The following KIAA1958 variants were observed in gnomAD, a reference collection of about 807,000 sequenced individuals.
KIAA1958 encodes the protein KIAA1958, also known as uncharacterized protein KIAA1958.
A neutral mutation model predicts 47.2 loss-of-function variants in KIAA1958; 14 were observed. The ratio of observed to expected loss-of-function variants is 0.30; its 90% CI spans 0.20 to 0.46. The LOEUF (loss-of-function observed/expected upper bound fraction) is 0.46, where lower values mean the gene tolerates loss of function less well. Ranked by LOEUF, KIAA1958 falls within the 20% of genes least tolerant of loss-of-function variation. KIAA1958 has a pLI of 1.00. For missense variants in KIAA1958, 803 were observed against 909.2 expected (o/e 0.88, Z 1.50); for synonymous variants, 354 against 353.3 (o/e 1.00, Z -0.02).
chr9:112,503,663 A>T (rs887553906), intron 1 of KIAA1958, among the ~76,000 whole-genome samples: 13 of 142,322 alleles, frequency 9.1e-5, no homozygotes, highest in Non-Finnish European at 2.0e-4. Context: ...AGAGTGAAGG[A>T]GGGGAGAGCT....
chr9:112,547,377 CAAAAAAAAAAA>C (rs58406658), intron 1 of KIAA1958, among the ~76,000 whole-genome samples: 1 of 84,026 alleles, frequency 1.2e-5, no homozygotes, highest in East Asian at 3.3e-4. Flanking sequence ...GACTCTGTCT[CAAAAAAAAAAA>C]AAAAAAAAAA....
chr9:112,574,626 C>T lies in KIAA1958; in HGVS notation c.546C>T (p.Leu182=), dbSNP rs1427458649. ...GACCTGGGGTAGTCCCATCTTCCCTCCATTCAAGCTCCCAGACGCAGATGG... is the reference window on the plus strand; with the variant it reads ...GACCTGGGGTAGTCCCATCTTCCCTTCATTCAAGCTCCCAGACGCAGATGG... The part of the protein sequence containing the change: ...RKRPGVVPSS[L]HSSSQTQMVD... Residue 182 remains leucine, a synonymous_variant, in exon 2 of 4, where the codon CTC becomes CTT. Coordinates refer to ENST00000337530, the MANE Select transcript of KIAA1958 (RefSeq NM_133465.4). 1 of 1,614,196 alleles carries T rather than the reference C, an allele frequency of 6.2e-7. No individual in the cohort carries two copies. The highest frequency in any genetic ancestry group is 8.5e-7 in the Non-Finnish European group (1 of 1,180,032).
chr9:112,502,085 A>G (rs1327197229), intron 1 of KIAA1958, among the ~76,000 whole-genome samples: 6 of 152,170 alleles, frequency 3.9e-5, no homozygotes, highest in Non-Finnish European at 8.8e-5. Flanking sequence ...AATAATACCC[A>G]TTTCTGGTGA....
At chr9:112,575,667 G>A (rs11788540) in intron 2 of KIAA1958, among the ~76,000 whole-genome samples, 16 of 151,980 alleles carry the variant, frequency 1.1e-4, no homozygotes, top group Non-Finnish European at 1.3e-4. Context: ...AATGCTTTTC[G>A]TATTATTTAT....
chr9:112,618,418 G>A lies in KIAA1958; in HGVS notation c.1172-27232G>A. The A allele has an allele frequency of 1.3e-6, 2 of 1,551,208 alleles. No individual in the cohort carries two copies. The highest frequency in any genetic ancestry group is 1.7e-6 in the Non-Finnish European group (2 of 1,147,128). Reference sequence around the variant, plus strand: ...TAAAATGGGGTGATATCCGGCTCCGGGTAACAGAGACGGGTCTCGAGTACT... The same window carrying A: ...TAAAATGGGGTGATATCCGGCTCCGAGTAACAGAGACGGGTCTCGAGTACT... On this transcript the variant is annotated intron_variant, in intron 2 of 3. Transcript: ENST00000337530. This position sits in a 1 kb window ranked among gnomAD's most constrained non-coding sequence, Gnocchi z 7.1.
At chr9:112,592,994 A>G (rs1052690552) in intron 2 of KIAA1958, among the ~76,000 whole-genome samples, 6 of 152,262 alleles carry the variant, frequency 3.9e-5, no homozygotes, top group African/African-American at 1.2e-4. Context: ...TTTAGTACAC[A>G]TAGAAAAAGG....
rs1834638105 is a variant in KIAA1958, at chr9:112,525,975, C to CTTCTTCTTCTTCTT, written c.-25+38858_-25+38871dup. On this transcript the variant is annotated intron_variant, in intron 1 of 3. Coordinates refer to ENST00000337530, the MANE Select transcript of KIAA1958 (RefSeq NM_133465.4). Reference sequence around the variant, plus strand: ...TCTTCTTCTTCTTCTTCTTCTTCTTCTTCTTCTTCTTCTTCTTCTTCTTCT... The same window carrying CTTCTTCTTCTTCTT: ...TCTTCTTCTTCTTCTTCTTCTTCTTCTTCTTCTTCTTCTTTTCTTCTTCTTCTTCTTCTTCTTCT... 1.2e-3 allele frequency among the ~76,000 whole-genome samples: 3 copies of CTTCTTCTTCTTCTT among 2,408 alleles called. 1 individual carries two copies. The African/African-American group carries it at 0.016, about 13-fold the overall frequency. 1.6% of individuals were successfully genotyped at this position (2,408 alleles called of 152,430 possible).
chr9:112,488,891 T>C (rs1833915029), intron 1 of KIAA1958, among the ~76,000 whole-genome samples: 1 of 152,226 alleles, frequency 6.6e-6, no homozygotes, highest in Admixed American at 6.5e-5. Flanking sequence ...ATTAATATTA[T>C]TGCATGCCTA....
rs76094262 is a variant in KIAA1958 at position 112,546,781 on chromosome 9, C to G, written c.-24-27276C>G. Among the ~76,000 whole-genome samples, 117 of 152,220 alleles carry G rather than the reference C, an allele frequency of 7.7e-4. No individual in the cohort carries two copies. The East Asian group carries it at 0.022, about 28-fold the overall frequency. The stretch of plus-strand genomic sequence containing the variant: ...CTTACCTGGAATACTCTCACTCTCT[C>G]TGCCCTGTGTAATTTAATCATGGTT... On this transcript the variant is annotated intron_variant, in intron 1 of 3. Transcript: ENST00000337530.
In KIAA1958 at chr9:112,574,755, A is replaced by G. The variant is rs181535027; in HGVS notation, c.675A>G (p.Gly225=). 10 of 1,614,138 alleles carry G rather than the reference A, an allele frequency of 6.2e-6. No homozygotes were observed. In the East Asian group the frequency reaches 2.2e-4, roughly 36 times the overall value. ...ANAELTGGVD[G]PALSLTQMAK... ...CAGAACTGACAGGAGGAGTAGATGG[A>G]CCAGCCCTGTCCTTGACACAGATGG... Residue 225 remains glycine (G), a synonymous_variant, in exon 2 of 4, where the codon GGA becomes GGG. Coordinates refer to ENST00000337530, the MANE Select transcript of KIAA1958 (RefSeq NM_133465.4).
At chr9:112,561,410 T>C (rs1226273554) in intron 1 of KIAA1958, among the ~76,000 whole-genome samples, 2 of 152,172 alleles carry the variant, frequency 1.3e-5, no homozygotes, top group African/African-American at 2.4e-5. Context: ...TATCATTAGT[T>C]CTTTGTTTCT....
chr9:112,579,334 A>G (rs938599664), intron 2 of KIAA1958, among the ~76,000 whole-genome samples: 2 of 152,092 alleles, frequency 1.3e-5, no homozygotes, highest in Admixed American at 1.3e-4. Flanking sequence ...TTGGGATCAC[A>G]TAAATATTTC....
chr9:112,658,212 A>G (rs943508040), intron 3 of KIAA1958, among the ~76,000 whole-genome samples: 1 of 152,214 alleles, frequency 6.6e-6, no homozygotes, highest in Non-Finnish European at 1.5e-5. Flanking sequence ...TCATTAAACC[A>G]CAGCTATTTC....
chr9:112,649,006 A>C (rs1159126591), intron 3 of KIAA1958, among the ~76,000 whole-genome samples: 2 of 152,162 alleles, frequency 1.3e-5, no homozygotes, highest in Non-Finnish European at 2.9e-5. Flanking sequence ...GACATGGAAA[A>C]TATAAAAAGG....
intron 2 of KIAA1958, among the ~76,000 whole-genome samples, chr9:112,588,948 T>TAA (rs796644924): frequency 1.4e-5 from 2 of 142,254 alleles, no homozygotes; most frequent in African/African-American, 5.1e-5. Context: ...CTAATATGAC[T>TAA]AAAAAAAAAA....
At chr9:112,550,910 A>T (rs757345041) in intron 1 of KIAA1958, among the ~76,000 whole-genome samples, 10 of 152,186 alleles carry the variant, frequency 6.6e-5, no homozygotes, top group Non-Finnish European at 1.3e-4. Flanking sequence ...TACTCTTATG[A>T]GGAAGATATT....
At chr9:112,560,192 C>CTT (rs1564172284) in intron 1 of KIAA1958, among the ~76,000 whole-genome samples, 6 of 121,510 alleles carry the variant, frequency 4.9e-5, no homozygotes, top group South Asian at 2.7e-4. Context: ...CTTTTTTTTT[C>CTT]TTTTTCTTTT....
intron 2 of KIAA1958, among the ~76,000 whole-genome samples, chr9:112,628,110 G>T (rs983457857): frequency 6.6e-6 from 1 of 152,164 alleles, no homozygotes; most frequent in Non-Finnish European, 1.5e-5. Flanking sequence ...AGAAAAGAAG[G>T]CTGCTTCCTG....
chr9:112,581,834 A>C (rs1835740486), intron 2 of KIAA1958: 1 of 232,720 alleles, frequency 4.3e-6, no homozygotes, highest in Non-Finnish European at 9.3e-6. Context: ...AACACCACCA[A>C]GGTGAGGTGA....
Sources: allele counts gnomAD v4.1 joint callset (sites outside exome capture counted in the v4.1 genomes callset), GRCh38; gene constraint gnomAD v4.1.1; non-coding constraint Gnocchi (gnomAD v3.1); transcripts MANE v1.5; gene names NCBI Gene and HGNC (gene_info 2026-07-23, HGNC 2026-07-21).